The following CNTLN variants were observed in gnomAD, a reference collection of about 807,000 sequenced individuals.
The protein encoded by CNTLN is centlein, centrosomal protein.
In CNTLN, 212 loss-of-function variants were observed where a neutral mutation model predicts 180.0. That is an observed-to-expected ratio of 1.18 (90% CI 1.05 to 1.32). CNTLN has a LOEUF of 1.32. Among genes scored for constraint, CNTLN ranks in the 40% most tolerant of loss-of-function variants. CNTLN has a pLI of 0.00. For missense variants in CNTLN, 2,095 were observed against 1,610.9 expected (o/e 1.30, Z -5.14); for synonymous variants, 722 against 563.1 (o/e 1.28, Z -3.99).
chr9:17,417,434 A>T (rs76058141), intron 18 of CNTLN, among the ~76,000 whole-genome samples: 4,510 of 152,126 alleles, frequency 0.03, 218 homozygotes, highest in African/African-American at 0.1. Context: ...TAGCAAAGTG[A>T]CATGAAAGAA....
At chr9:17,511,622 A>G in the CNTLN span, among the ~76,000 whole-genome samples, 1 of 146,590 alleles carries the variant, frequency 6.8e-6, no homozygotes, top group Non-Finnish European at 1.5e-5. Context: ...CAATATGGCA[A>G]CTTGCTTTAT....
At chr9:17,252,639 C>T (rs147950163) in intron 5 of CNTLN, among the ~76,000 whole-genome samples, 2 of 151,670 alleles carry the variant, frequency 1.3e-5, no homozygotes, top group African/African-American at 4.8e-5. Flanking sequence ...TACTAGTCCC[C>T]TGTTGACTGA....
chr9:17,410,567 G>A (rs577710407), intron 16 of CNTLN, among the ~76,000 whole-genome samples: 7 of 151,926 alleles, frequency 4.6e-5, no homozygotes, highest in Non-Finnish European at 1.0e-4. Flanking sequence ...CCAATTTTTT[G>A]TTTATGAATA....
In CNTLN at chr9:17,260,778, G is replaced by T. The variant is rs761399727; in HGVS notation, c.850-12955G>T. ...CTTTGCCAGTTCCTGTGTCCAGAAT[G>T]GTATTGCCTAGGTGGTCTTCAAAGG... is the stretch of plus-strand genomic sequence containing the variant. On this transcript the variant is annotated intron_variant, in intron 5 of 25. Coordinates refer to ENST00000380647, the MANE Select transcript of CNTLN (RefSeq NM_017738.4). Among the ~76,000 whole-genome samples, 60 of 151,452 alleles carry T rather than the reference G, an allele frequency of 4.0e-4. 1 individual carries two copies. The highest frequency in any genetic ancestry group is 7.2e-4 in the Admixed American group (11 of 15,240).
intron 8 of CNTLN, among the ~76,000 whole-genome samples, chr9:17,310,967 T>C (rs1420961676): frequency 6.6e-6 from 1 of 152,118 alleles, no homozygotes; most frequent in Non-Finnish European, 1.5e-5. Context: ...TATCTCACTG[T>C]GTACTTGTCT....
At chr9:17,270,624 C>G (rs900723349) in intron 5 of CNTLN, among the ~76,000 whole-genome samples, 1 of 152,010 alleles carries the variant, frequency 6.6e-6, no homozygotes, top group Non-Finnish European at 1.5e-5. Flanking sequence ...TGAGAACATC[C>G]TTTTAAAATT....
chr9:17,434,157 T>C (rs1290866567), intron 18 of CNTLN, among the ~76,000 whole-genome samples: 1 of 152,162 alleles, frequency 6.6e-6, no homozygotes, highest in African/African-American at 2.4e-5. Flanking sequence ...TTGTTCTTGC[T>C]AGAAACAACA....
chr9:17,226,111 A>C (rs1034359672), intron 2 of CNTLN, 92 bp from the exon 3 acceptor site: 2 of 608,458 alleles, frequency 3.3e-6, no homozygotes, highest in East Asian at 6.9e-5. Flanking sequence ...TTAATTTTCT[A>C]TATTTTAAAG....
At chr9:17,340,554 A>G (rs1821397343) in intron 10 of CNTLN, among the ~76,000 whole-genome samples, 1 of 152,232 alleles carries the variant, frequency 6.6e-6, no homozygotes, top group African/African-American at 2.4e-5. Flanking sequence ...ATACTAATTA[A>G]CAACAGGGAA....
chr9:17,459,295 T>C (rs1831318436), intron 19 of CNTLN, among the ~76,000 whole-genome samples: 2 of 151,832 alleles, frequency 1.3e-5, no homozygotes. Flanking sequence ...TGCATTATGG[T>C]TTTCCATGGT....
At chr9:17,337,159 TG>T (rs1413286886) in intron 10 of CNTLN, among the ~76,000 whole-genome samples, 1 of 152,180 alleles carries the variant, frequency 6.6e-6, no homozygotes, top group East Asian at 1.9e-4. Context: ...TGGGGTTGTT[TG>T]TTTTTTTCTT....
At chr9:17,498,012 A>G (rs970012907) in intron 25 of CNTLN, among the ~76,000 whole-genome samples, 4 of 152,112 alleles carry the variant, frequency 2.6e-5, no homozygotes, top group African/African-American at 9.7e-5. Flanking sequence ...TAATTCATAA[A>G]ATTTTATATT....
intron 2 of CNTLN, among the ~76,000 whole-genome samples, chr9:17,212,135 T>C (rs1224742553): frequency 1.3e-5 from 2 of 152,198 alleles, no homozygotes; most frequent in Admixed American, 1.3e-4. Flanking sequence ...CTTGTGCCAG[T>C]TTTCAAAGGG....
intron 2 of CNTLN, among the ~76,000 whole-genome samples, chr9:17,214,996 G>A (rs569978416): frequency 4.6e-5 from 7 of 152,246 alleles, no homozygotes; most frequent in South Asian, 2.1e-4. Flanking sequence ...TGATGGGTTC[G>A]AACTTCCTCC....
rs373656716 is a variant in CNTLN at position 17,265,075 on chromosome 9, A to G, written c.850-8658A>G. Among the ~76,000 whole-genome samples, 205 of 147,042 alleles carry G rather than the reference A, an allele frequency of 1.4e-3. 2 individuals carry two copies. In the East Asian group the frequency reaches 0.038, roughly 28 times the overall value. On this transcript the variant is annotated intron_variant, in intron 5 of 25. Transcript: ENST00000380647. ...TGCCCTGGCCAGAACTTCCAACACT[A>G]TGTTGAATAGGAGTGGTGAGAGAGG... is the stretch of plus-strand genomic sequence containing the variant.
intron 8 of CNTLN, among the ~76,000 whole-genome samples, chr9:17,320,133 A>G (rs1487058902): frequency 6.6e-6 from 1 of 152,238 alleles, no homozygotes; most frequent in Non-Finnish European, 1.5e-5. Context: ...GGCTAATGGC[A>G]AGACCACAAG....
rs866125537 is a variant in CNTLN at position 17,260,625 on chromosome 9, A to T, written c.850-13108A>T. Among the ~76,000 whole-genome samples, 3 of 151,156 alleles carry T rather than the reference A, an allele frequency of 2.0e-5. 1 individual carries two copies. Among genetic ancestry groups the T allele is most frequent in the South Asian group, 2.1e-4 (1 of 4,826 alleles). ...AAATTTTCTCCCATTCTGTATGTTGACTGTTTACTCTTTGATAGTTTCTCT... is the reference window on the plus strand; with the variant it reads ...AAATTTTCTCCCATTCTGTATGTTGTCTGTTTACTCTTTGATAGTTTCTCT... On this transcript the variant is annotated intron_variant, in intron 5 of 25. Transcript: ENST00000380647.
intron 3 of CNTLN, among the ~76,000 whole-genome samples, chr9:17,234,824 T>C (rs181228257): frequency 2.0e-5 from 3 of 152,254 alleles, no homozygotes; most frequent in Non-Finnish European, 4.4e-5. Flanking sequence ...AATGGATGGA[T>C]TGATAAAAGT....
intron 17 of CNTLN, 26 bp from the exon 18 acceptor site, chr9:17,415,940 A>T (rs757456473): frequency 6.3e-7 from 1 of 1,587,882 alleles, no homozygotes; most frequent in Admixed American, 1.8e-5. Flanking sequence ...AATTTTTAAA[A>T]TATGAACAAT....
Sources: allele counts gnomAD v4.1 joint callset (sites outside exome capture counted in the v4.1 genomes callset), GRCh38; gene constraint gnomAD v4.1.1; transcripts MANE v1.5; gene names NCBI Gene and HGNC (gene_info 2026-07-23, HGNC 2026-07-21).